The following LRRC4C variants were observed in gnomAD, a reference collection of about 807,000 sequenced individuals.
LRRC4C encodes the protein leucine-rich repeat-containing protein 4C.
LRRC4C carries 5 observed loss-of-function variants against 33.6 expected under a neutral mutation model. That is an observed-to-expected ratio of 0.15 (90% CI 0.08 to 0.31). The LOEUF is 0.31. Ranked by LOEUF, LRRC4C falls within the 10% of genes least tolerant of loss-of-function variation. LRRC4C has a pLI of 1.00. For synonymous variants in LRRC4C, 329 were observed against 302.0 expected, an observed-to-expected ratio of 1.09 and a Z score of -0.93; for missense variants, 560 against 796.7, an observed-to-expected ratio of 0.70 and a Z score of 3.58.
intron 3 of LRRC4C, among the ~76,000 whole-genome samples, chr11:40,370,245 G>A (rs967022329): frequency 6.6e-6 from 1 of 152,040 alleles, no homozygotes; most frequent in African/African-American, 2.4e-5. Context: ...CCAGCCAGCT[G>A]GGACTTCACA....
chr11:41,080,301 T>C (rs1020913565), intron 1 of LRRC4C, among the ~76,000 whole-genome samples: 1 of 150,656 alleles, frequency 6.6e-6, no homozygotes, highest in African/African-American at 2.4e-5. Flanking sequence ...GGTAAAATGA[T>C]AAGCATGGGA....
rs142521847 is a variant in LRRC4C at position 40,643,641 on chromosome 11, C to T, written c.-270+4501G>A. Among the ~76,000 whole-genome samples the T allele has an allele frequency of 1.5e-4, 23 of 152,292 alleles. No individual in the cohort carries two copies. In the East Asian group the frequency reaches 3.3e-3, roughly 22 times the overall value. ...CCAACCCCCCTGCCGTCCACCAGCA[C>T]GGTGTCAGTGGTGAACAAGTTGGTA... On this transcript the variant is annotated intron_variant, in intron 3 of 6. Transcript: ENST00000528697.
chr11:40,986,848 A>C (rs574156718), intron 1 of LRRC4C, among the ~76,000 whole-genome samples: 70 of 152,328 alleles, frequency 4.6e-4, no homozygotes, highest in African/African-American at 1.6e-3. Context: ...ATTTTCTTTG[A>C]ATCCTCCTGA....
chr11:40,313,599 CTTTTTTT>C lies in LRRC4C; in HGVS notation c.-176+6022_-176+6028del, dbSNP rs60735627. On this transcript the variant is annotated intron_variant, in intron 4 of 6. Coordinates refer to ENST00000528697, the MANE Select transcript of LRRC4C (RefSeq NM_001258419.2). Reference sequence around the variant, plus strand: ...AGAAAACATGCTAGGAGGGGAAATTCTTTTTTTTTTTTTTTTTTTTTTTTTTGAGATG... The same window carrying C: ...AGAAAACATGCTAGGAGGGGAAATTCTTTTTTTTTTTTTTTTTTTGAGATG... 4.0e-4 allele frequency among the ~76,000 whole-genome samples: 29 copies of C among 72,530 alleles called. 1 individual carries two copies. The highest frequency in any genetic ancestry group is 5.1e-4 in the Non-Finnish European group (21 of 40,782). 47.6% of individuals were successfully genotyped at this position (72,530 alleles called of 152,430 possible). A position where few individuals can be genotyped will look rare whatever the true frequency, so the allele number is the denominator to read the frequency against.
chr11:40,317,653 T>C (rs999765570), intron 4 of LRRC4C, among the ~76,000 whole-genome samples: 2 of 152,154 alleles, frequency 1.3e-5, no homozygotes, highest in Admixed American at 1.3e-4. Flanking sequence ...TACATGTTCC[T>C]TCCTGAGATC....
chr11:40,855,128 G>A (rs1437350894), intron 2 of LRRC4C, among the ~76,000 whole-genome samples: 4 of 152,202 alleles, frequency 2.6e-5, no homozygotes, highest in South Asian at 2.1e-4. Context: ...CATTTTCAGT[G>A]TCCTCCAGCT....
At chr11:40,183,867 G>A (rs1266233919) in intron 5 of LRRC4C, among the ~76,000 whole-genome samples, 1 of 152,184 alleles carries the variant, frequency 6.6e-6, no homozygotes, top group African/African-American at 2.4e-5. Context: ...TCTAAAGGGA[G>A]GCTGAATTGA....
chr11:40,865,151 G>A (rs548644273), intron 2 of LRRC4C, among the ~76,000 whole-genome samples: 2 of 152,238 alleles, frequency 1.3e-5, no homozygotes, highest in South Asian at 4.1e-4. Context: ...CTGGAGGACA[G>A]TATGTTAAGT....
chr11:40,379,850 G>C (rs1435755315), intron 3 of LRRC4C, among the ~76,000 whole-genome samples: 1 of 152,066 alleles, frequency 6.6e-6, no homozygotes. Context: ...CATCACCTGG[G>C]AATTTGTTGG....
At chr11:41,336,161 G>T (rs1426517525) in intron 1 of LRRC4C, among the ~76,000 whole-genome samples, 1 of 151,506 alleles carries the variant, frequency 6.6e-6, no homozygotes, top group East Asian at 1.9e-4. Flanking sequence ...ATAAAACTCA[G>T]AATTCATTGA....
intron 1 of LRRC4C, among the ~76,000 whole-genome samples, chr11:41,397,665 G>A (rs951863358): frequency 3.7e-5 from 4 of 107,852 alleles, no homozygotes; most frequent in Non-Finnish European, 8.4e-5. Flanking sequence ...AACAGTAAAT[G>A]TGAACAAAAA....
intron 3 of LRRC4C, among the ~76,000 whole-genome samples, chr11:40,518,008 G>A (rs1377455244): frequency 6.6e-6 from 1 of 152,144 alleles, no homozygotes; most frequent in Non-Finnish European, 1.5e-5. Flanking sequence ...AAGCAATGGG[G>A]AAAGGAGTCC....
chr11:40,358,827 T>C (rs1471392107), intron 3 of LRRC4C, among the ~76,000 whole-genome samples: 1 of 152,158 alleles, frequency 6.6e-6, no homozygotes, highest in Non-Finnish European at 1.5e-5. Context: ...GACTTGGCCT[T>C]GGGAAAACAC....
intron 1 of LRRC4C, among the ~76,000 whole-genome samples, chr11:41,020,304 A>G (rs1439279320): frequency 6.6e-6 from 1 of 152,162 alleles, no homozygotes; most frequent in Admixed American, 6.5e-5. Context: ...AGGTAGAATT[A>G]TTAATATATC....
chr11:41,061,360 T>C (rs529564745), intron 1 of LRRC4C, among the ~76,000 whole-genome samples: 3 of 152,260 alleles, frequency 2.0e-5, no homozygotes, highest in African/African-American at 7.2e-5. Flanking sequence ...AGATGTCATA[T>C]GAAAATAACA....
intron 6 of LRRC4C, among the ~76,000 whole-genome samples, chr11:40,132,998 T>C (rs1313634028): frequency 6.6e-6 from 1 of 152,176 alleles, no homozygotes; most frequent in Admixed American, 6.5e-5. Context: ...ACTAAAGAAG[T>C]GCTTTTGAAA....
At chr11:41,226,741 TACACACACACAC>T (rs59285418) in intron 1 of LRRC4C, among the ~76,000 whole-genome samples, 5 of 137,156 alleles carry the variant, frequency 3.6e-5, no homozygotes, top group East Asian at 2.2e-4. Context: ...TCCTTACCAT[TACACACACACAC>T]ACACACACAC....
rs144844721 is a variant in LRRC4C at position 40,341,229 on chromosome 11, T to C, written c.-269-21508A>G. Among the ~76,000 whole-genome samples, 1,044 of 152,298 alleles carry C rather than the reference T, an allele frequency of 6.9e-3. 6 individuals carry two copies. The highest frequency in any genetic ancestry group is 0.011 in the South Asian group (54 of 4,828). On this transcript the variant is annotated intron_variant, in intron 3 of 6. Transcript: ENST00000528697. ...GAATGATGGTTTCCAGCTTCATCCT[T>C]GTCCCTTACAAAGGACATGAACTCA...
chr11:40,176,162 G>A (rs994483638), intron 5 of LRRC4C, among the ~76,000 whole-genome samples: 10 of 152,142 alleles, frequency 6.6e-5, no homozygotes, highest in African/African-American at 2.4e-4. Context: ...ATTTCAGTAA[G>A]GAGAATATGA....
Sources: gnomAD v4.1 joint callset for allele counts (sites outside exome capture counted in the v4.1 genomes callset) on GRCh38, gnomAD v4.1.1 for gene constraint, MANE v1.5 for transcripts, NCBI Gene and HGNC (gene_info 2026-07-23, HGNC 2026-07-21) for gene names.